Variants in FGL1 observed in about 807,000 individuals in gnomAD.
The protein encoded by FGL1 is fibrinogen-like protein 1.
In FGL1, 59 loss-of-function variants were observed where a neutral mutation model predicts 43.7. The observed-to-expected ratio is 1.35, with a 90% CI of 1.10 to 1.68. The LOEUF is 1.68. Ranked by LOEUF, FGL1 falls within the 40% of genes most tolerant of loss-of-function variation. The pLI is 0.00. For missense variants in FGL1, 596 were observed against 373.0 expected (o/e 1.60, Z -4.92); for synonymous variants, 192 against 126.5 (o/e 1.52, Z -3.48).
chr8:17,883,586 C>A (rs571792499), intron 2 of FGL1, among the ~76,000 whole-genome samples: 13 of 135,800 alleles, frequency 9.6e-5, no homozygotes, highest in Non-Finnish European at 1.8e-4. Context: ...ACATAATATA[C>A]GTATATATAA....
At chr8:17,879,467 G>A (rs760778377) in intron 3 of FGL1, among the ~76,000 whole-genome samples, 5 of 152,058 alleles carry the variant, frequency 3.3e-5, no homozygotes, top group Non-Finnish European at 4.4e-5. Context: ...AGTGGGAGGC[G>A]ATTGGCTCAT....
At chr8:17,880,131 C>T (rs2053513334) in intron 3 of FGL1, among the ~76,000 whole-genome samples, 1 of 152,200 alleles carries the variant, frequency 6.6e-6, no homozygotes, top group African/African-American at 2.4e-5. Flanking sequence ...CACTGGCCAT[C>T]TTCAGGCTAT....
intron 3 of FGL1, among the ~76,000 whole-genome samples, chr8:17,881,724 C>T (rs761157779): frequency 6.6e-6 from 1 of 150,906 alleles, no homozygotes; most frequent in African/African-American, 2.4e-5. Context: ...GTCCCAGCTA[C>T]TCGGGAGACT....
intron 7 of FGL1, 53 bp from the exon 8 acceptor site, chr8:17,864,804 G>T: frequency 7.5e-7 from 1 of 1,340,738 alleles, no homozygotes; most frequent in Non-Finnish European, 9.7e-7. Flanking sequence ...GAAAAATATT[G>T]TTCAGAATCC....
intron 2 of FGL1, among the ~76,000 whole-genome samples, chr8:17,884,330 T>C (rs984247758): frequency 1.3e-5 from 2 of 152,096 alleles, no homozygotes; most frequent in Non-Finnish European, 2.9e-5. Flanking sequence ...TAGCTGGGAC[T>C]ATACAGGTTG....
chr8:17,883,366 A>C (rs182235545), intron 2 of FGL1, among the ~76,000 whole-genome samples: 1 of 100,120 alleles, frequency 1.0e-5, no homozygotes, highest in Non-Finnish European at 1.7e-5. Flanking sequence ...ATAATATATA[A>C]TATATAAAAT....
At chr8:17,890,392 G>C (rs913192359) in intron 1 of FGL1, among the ~76,000 whole-genome samples, 4 of 152,060 alleles carry the variant, frequency 2.6e-5, no homozygotes, top group Non-Finnish European at 5.9e-5. Context: ...CATCATTTTT[G>C]CCTGTTCTGG....
chr8:17,891,747 A>G, intron 1 of FGL1: 1 of 983,910 alleles, frequency 1.0e-6, no homozygotes. Context: ...ATGGGAGATC[A>G]AATTCTTTTG....
chr8:17,891,885 A>G (rs1307944411), intron 1 of FGL1: 2 of 601,522 alleles, frequency 3.3e-6, no homozygotes, highest in East Asian at 1.4e-4. Context: ...CAAATATGTC[A>G]TGTCAATATG....
At chr8:17,878,660 T>C (rs796396391) in intron 3 of FGL1, among the ~76,000 whole-genome samples, 4 of 152,326 alleles carry the variant, frequency 2.6e-5, no homozygotes, top group African/African-American at 9.6e-5. Context: ...TAGAAAATCA[T>C]GTGCCTAGTG....
At chr8:17,887,863 A>T (rs118121136) in intron 1 of FGL1, among the ~76,000 whole-genome samples, 3,286 of 151,570 alleles carry the variant, frequency 0.022, 62 homozygotes, top group South Asian at 0.042. Context: ...CTCTAGACCC[A>T]TTTTTCCATT....
rs981900676 is a variant in FGL1 at position 17,885,631 on chromosome 8, G to A, written c.-17-60C>T. ...ACCTTGAATTTTTCATGAGACCAGAGTTCAGACTTCAGTAGCTCCAGGAAG... is the reference window on the plus strand; with the variant it reads ...ACCTTGAATTTTTCATGAGACCAGAATTCAGACTTCAGTAGCTCCAGGAAG... On this transcript the variant is annotated intron_variant, in intron 1 of 7. Coordinates refer to ENST00000427924, the MANE Select transcript of FGL1 (RefSeq NM_004467.4). 9 of 1,431,482 alleles carry A rather than the reference G, an allele frequency of 6.3e-6. No individual in the cohort carries two copies. In the African/African-American group the frequency reaches 1.3e-4, roughly 20 times the overall value. 88.7% of individuals were successfully genotyped at this position (1,431,482 alleles called of 1,614,324 possible).
At chr8:17,874,923 A>AGCTACCACGCCTG (rs34146874) in intron 3 of FGL1, among the ~76,000 whole-genome samples, 110,264 of 151,596 alleles carry the variant, frequency 0.73, 40,624 homozygotes, top group Non-Finnish European at 0.79. Flanking sequence ...TACAGGTGTG[A>AGCTACCACGCCTG]GCTTAGTTTC....
chr8:17,868,897 T>G lies in FGL1; in HGVS notation c.591+19A>C, dbSNP rs368031186. ...TTAAGCATTTATTCACGGTTTTACT[T>G]CTTAGAAAATTGTAGTACCTTTTCA... On this transcript the variant is annotated intron_variant, in intron 6 of 7. Coordinates refer to ENST00000427924, the MANE Select transcript of FGL1 (RefSeq NM_004467.4). 8.3e-6 allele frequency: 13 copies of G among 1,561,574 alleles called. No homozygotes were observed. Among genetic ancestry groups the G allele is most frequent in the Non-Finnish European group, 1.1e-5 (13 of 1,148,850 alleles).
chr8:17,873,720 A>C (rs964082782), intron 5 of FGL1, among the ~76,000 whole-genome samples: 1 of 149,864 alleles, frequency 6.7e-6, no homozygotes, highest in African/African-American at 2.4e-5. Context: ...CTATATATCT[A>C]TATATAGCTA....
chr8:17,888,989 C>A (rs1356859758), intron 1 of FGL1, among the ~76,000 whole-genome samples: 1 of 152,118 alleles, frequency 6.6e-6, no homozygotes, highest in Non-Finnish European at 1.5e-5. Context: ...TTAATAATGA[C>A]ACACAATAAT....
chr8:17,869,633 TGTAGA>T (rs2053326246), intron 5 of FGL1, among the ~76,000 whole-genome samples: 6 of 152,230 alleles, frequency 3.9e-5, no homozygotes, highest in African/African-American at 1.2e-4. Context: ...CATCAAAGTA[TGTAGA>T]GTGGATGTCA....
At chr8:17,873,594 A>C (rs1430357179) in intron 5 of FGL1, among the ~76,000 whole-genome samples, 1 of 152,046 alleles carries the variant, frequency 6.6e-6, no homozygotes, top group African/African-American at 2.4e-5. Context: ...AGCATATATA[A>C]TCTCCAGGAA....
At position 17,873,944 on chromosome 8, in the gene FGL1, A is replaced by G. The variant is rs1015092883; in HGVS notation, c.502+75T>C. Reference sequence around the variant, plus strand: ...AATTATTGAATTAGTTCCATTGCCTATAATTTGGTTAAAAAAAAATTTTAG... The same window carrying G: ...AATTATTGAATTAGTTCCATTGCCTGTAATTTGGTTAAAAAAAAATTTTAG... On this transcript the variant is annotated intron_variant, in intron 5 of 7. Coordinates refer to ENST00000427924, the MANE Select transcript of FGL1 (RefSeq NM_004467.4). 2.9e-6 allele frequency: 3 copies of G among 1,038,470 alleles called. No homozygotes were observed. In the African/African-American group the frequency reaches 5.2e-5, roughly 18 times the overall value. 64.3% of individuals were successfully genotyped at this position (1,038,470 alleles called of 1,614,324 possible).
Sources: gnomAD v4.1 joint callset for allele counts (sites outside exome capture counted in the v4.1 genomes callset) on GRCh38, gnomAD v4.1.1 for gene constraint, MANE v1.5 for transcripts, NCBI Gene and HGNC (gene_info 2026-07-23, HGNC 2026-07-21) for gene names.